GPR37: variants seen among roughly 807,000 people sequenced by gnomAD.
GPR37 encodes G protein-coupled receptor 37.
A neutral mutation model predicts 43.6 loss-of-function variants in GPR37; 20 were observed. That is an observed-to-expected ratio of 0.46 (90% CI 0.32 to 0.67). The LOEUF (loss-of-function observed/expected upper bound fraction) is 0.67. Among genes scored for constraint, GPR37 ranks in the 30% least tolerant of loss-of-function variants. The pLI is 0.03. For synonymous variants in GPR37, 315 were observed against 322.6 expected (o/e 0.98, Z 0.25); for missense variants, 724 against 797.2 (o/e 0.91, Z 1.11).
At chr7:124,752,313 A>G (rs1404768650) in intron 1 of GPR37, among the ~76,000 whole-genome samples, 1 of 152,196 alleles carries the variant, frequency 6.6e-6, no homozygotes. Context: ...AGAGAGAAAG[A>G]GAGAGAATCT....
At chr7:124,747,726 G>T (rs1793689775) in intron 1 of GPR37, among the ~76,000 whole-genome samples, 1 of 152,068 alleles carries the variant, frequency 6.6e-6, no homozygotes, top group East Asian at 1.9e-4. Context: ...GGGTAGTGCA[G>T]AAATTCCCAT....
chr7:124,748,542 CAA>C (rs1793698100), intron 1 of GPR37, among the ~76,000 whole-genome samples: 1 of 151,668 alleles, frequency 6.6e-6, no homozygotes. Flanking sequence ...ATTTATATGC[CAA>C]AGATACAGAA....
chr7:124,755,089 C>A (rs1793777131), intron 1 of GPR37, among the ~76,000 whole-genome samples: 1 of 152,026 alleles, frequency 6.6e-6, no homozygotes, highest in South Asian at 2.1e-4. Flanking sequence ...ATTTCTAAAC[C>A]AAAAGCAGAG....
At chr7:124,756,265 T>G (rs1793789524) in intron 1 of GPR37, among the ~76,000 whole-genome samples, 1 of 152,146 alleles carries the variant, frequency 6.6e-6, no homozygotes, top group African/African-American at 2.4e-5. Context: ...GTAACATCCC[T>G]GAATAGAGTC....
chr7:124,748,774 C>T (rs1421377118), intron 1 of GPR37, among the ~76,000 whole-genome samples: 1 of 151,988 alleles, frequency 6.6e-6, no homozygotes, highest in East Asian at 1.9e-4. Context: ...CTCTTATAAG[C>T]ATATGGTCCA....
At chr7:124,748,587 G>A (rs1793700496) in intron 1 of GPR37, among the ~76,000 whole-genome samples, 1 of 151,996 alleles carries the variant, frequency 6.6e-6, no homozygotes, top group Admixed American at 6.6e-5. Flanking sequence ...TCATAAAATA[G>A]GTATGTACAT....
intron 1 of GPR37, among the ~76,000 whole-genome samples, chr7:124,754,515 T>A (rs965230151): frequency 5.0e-4 from 58 of 115,078 alleles, no homozygotes; most frequent in Admixed American, 7.1e-4. Flanking sequence ...AACGAAACAG[T>A]GTCCTAAGCA....
intron 1 of GPR37, among the ~76,000 whole-genome samples, chr7:124,762,765 T>A (rs1793865611): frequency 6.6e-6 from 1 of 152,204 alleles, no homozygotes; most frequent in African/African-American, 2.4e-5. Context: ...CCAGCTTTGG[T>A]CCGTCTAAGT....
chr7:124,762,684 T>C (rs1793864510), intron 1 of GPR37, among the ~76,000 whole-genome samples: 1 of 152,204 alleles, frequency 6.6e-6, no homozygotes, highest in South Asian at 2.1e-4. Context: ...CAGCAACAGC[T>C]GATTTCATAG....
chr7:124,763,745 G>T (rs1347679595), intron 1 of GPR37, among the ~76,000 whole-genome samples: 2 of 151,998 alleles, frequency 1.3e-5, no homozygotes, highest in Admixed American at 1.3e-4. Flanking sequence ...TTACAGCCCA[G>T]GAGCAGATGA....
At position 124,764,268 on chromosome 7, in the gene GPR37, G is replaced by C; in HGVS notation, c.709C>G (p.Arg237Gly). 1.3e-6 allele frequency: 2 copies of C among 1,599,004 alleles called. No homozygotes were observed. Among genetic ancestry groups the C allele is most frequent in the Middle Eastern group, 3.4e-4 (2 of 5,962 alleles). ...ACACGCCGGTTCGTGCTGTTTCCCC[G>C]GCGGGGACCCCCAGGCTCATGGATT... ...EGIHEPGGPR[R>G]GNSTNRRVRL... is the part of the protein sequence containing the mutation. Residue 237 changes from arginine to glycine, a missense_variant, in exon 1 of 2, where the codon CGG becomes GGG. By Grantham distance (125) the Arg-to-Gly change is moderately radical. This residue lies in a region of GPR37 where 382 missense variants were observed against 355.4 expected (regional missense o/e 1.07). Coordinates refer to ENST00000303921, the MANE Select transcript of GPR37 (RefSeq NM_005302.5). This position sits in a 1 kb window ranked among gnomAD's most constrained non-coding sequence, Gnocchi z 5.4.
In GPR37 at chr7:124,764,358, GC is replaced by G. The variant is rs1460789709; in HGVS notation, c.618del (p.His207ThrfsTer39). The G allele has an allele frequency of 6.2e-7, 1 of 1,613,258 alleles. No individual in the cohort carries two copies. ...PLSKTANGLAGHEGWTIALPG... is the reference protein window; with the variant it reads ...PLSKTANGLAXHEGWTIALPG... ...GGGAGTGCAATTGTCCACCCTTCGT[GC>G]CCCGCCAGTCCATTGGCCGTCTTGG... On this transcript the variant is annotated frameshift_variant, in exon 1 of 2. Transcript: ENST00000303921. LOFTEE classifies it high-confidence loss of function. The surrounding 1 kb of genome is among the most constrained non-coding windows in gnomAD (Gnocchi z 5.4).
rs1444051962 is a variant in GPR37 at position 124,764,301 on chromosome 7, C to G, written c.676G>C (p.Gly226Arg). Residue 226 changes from glycine to arginine, a missense_variant, in exon 1 of 2, where the codon GGT becomes CGT. By Grantham distance (125) the Gly-to-Arg change is moderately radical (BLOSUM62 -2). This residue lies in a region of GPR37 where 382 missense variants were observed against 355.4 expected (regional missense o/e 1.07). Transcript: ENST00000303921. The surrounding 1 kb of genome is among the most constrained non-coding windows in gnomAD (Gnocchi z 5.4). ...CCCCCAGGCTCATGGATTCCTTCAC[C>G]CAAGGATCCATTCTGGGCCAGCGCC... ...GRALAQNGSL[G>R]EGIHEPGGPR... 2 of 1,605,628 alleles carry G rather than the reference C, an allele frequency of 1.2e-6. No individual in the cohort carries two copies. Among genetic ancestry groups the G allele is most frequent in the Non-Finnish European group, 8.5e-7 (1 of 1,175,704 alleles).
intron 1 of GPR37, among the ~76,000 whole-genome samples, chr7:124,752,748 T>C (rs1340326985): frequency 6.6e-6 from 1 of 152,212 alleles, no homozygotes; most frequent in Admixed American, 6.5e-5. Flanking sequence ...ATATCATCTA[T>C]GTCCTACTTA....
rs1004827521 is a variant in GPR37 at position 124,764,080 on chromosome 7, G to A, written c.897C>T (p.Leu299=). ...NYYMRSISNS[L]LANLAFWDFL... ...AGTCCCAGAAGGCCAGGTTGGCCAA[G>A]AGGGAGTTGGAGATGCTCCGCATGT... is the stretch of plus-strand genomic sequence containing the variant. The change falls in exon 1 of 2, where the codon CTC becomes CTT. Residue 299 remains leucine, a synonymous_variant. Transcript: ENST00000303921. The surrounding 1 kb of genome is among the most constrained non-coding windows in gnomAD (Gnocchi z 5.4). 3 of 1,614,192 alleles carry A rather than the reference G, an allele frequency of 1.9e-6. No individual in the cohort carries two copies. Among genetic ancestry groups the A allele is most frequent in the South Asian group, 2.2e-5 (2 of 91,076 alleles).
At chr7:124,758,567 G>A (rs2116323177) in intron 1 of GPR37, among the ~76,000 whole-genome samples, 1 of 152,040 alleles carries the variant, frequency 6.6e-6, no homozygotes, top group East Asian at 1.9e-4. Context: ...TAGTTGTATG[G>A]CACTGTCATC....
chr7:124,749,009 G>A (rs951390179), intron 1 of GPR37, among the ~76,000 whole-genome samples: 11 of 151,992 alleles, frequency 7.2e-5, no homozygotes, highest in African/African-American at 1.9e-4. Context: ...ACTCTATGCC[G>A]AGCACTATGC....
At chr7:124,762,834 A>G (rs1793866435) in intron 1 of GPR37, among the ~76,000 whole-genome samples, 2 of 152,214 alleles carry the variant, frequency 1.3e-5, no homozygotes, top group South Asian at 2.1e-4. Context: ...TGTTGAACAT[A>G]GTGTCACAGG....
At chr7:124,751,170 A>G (rs1031086228) in intron 1 of GPR37, among the ~76,000 whole-genome samples, 2 of 152,224 alleles carry the variant, frequency 1.3e-5, no homozygotes, top group South Asian at 2.1e-4. Context: ...AAGGGTCACA[A>G]GAGCAACAGA....
Sources: allele counts gnomAD v4.1 joint callset (sites outside exome capture counted in the v4.1 genomes callset), GRCh38; gene constraint gnomAD v4.1.1; regional missense constraint gnomAD v4.1.1; non-coding constraint Gnocchi (gnomAD v3.1); transcripts MANE v1.5; gene names NCBI Gene and HGNC (gene_info 2026-07-23, HGNC 2026-07-21).